Variants in PTPRT observed in about 807,000 individuals in gnomAD.
The protein encoded by PTPRT is protein tyrosine phosphatase receptor type T.
Under a neutral mutation model 176.8 loss-of-function variants are expected in PTPRT, and 56 were observed. The ratio of observed to expected loss-of-function variants is 0.32; its 90% confidence interval spans 0.26 to 0.40. The LOEUF (loss-of-function observed/expected upper bound fraction) is 0.40. Among genes scored for constraint, PTPRT ranks in the 10% least tolerant of loss-of-function variants. PTPRT has a pLI of 1.00. For synonymous variants in PTPRT, 783 were observed against 739.0 expected (o/e 1.06, Z -0.96); for missense variants, 1,540 against 1,908.2 (o/e 0.81, Z 3.60).
intron 1 of PTPRT, among the ~76,000 whole-genome samples, chr20:43,037,176 C>T (rs972410785): frequency 1.3e-5 from 2 of 152,158 alleles, no homozygotes; most frequent in Non-Finnish European, 2.9e-5. Flanking sequence ...CTTTAGCTCC[C>T]TGTAAAGGAG....
intron 7 of PTPRT, among the ~76,000 whole-genome samples, chr20:42,570,269 C>T (rs962709141): frequency 3.9e-5 from 6 of 152,186 alleles, no homozygotes; most frequent in Admixed American, 3.9e-4. Context: ...CGCCGTGTCC[C>T]TGCTGAGTAA....
chr20:42,328,985 C>A (rs1272885544), intron 11 of PTPRT, among the ~76,000 whole-genome samples: 1 of 152,050 alleles, frequency 6.6e-6, no homozygotes, highest in Non-Finnish European at 1.5e-5. Context: ...CACACACACT[C>A]TCTCACACAG....
At chr20:42,181,065 TC>T (rs1245359072) in intron 16 of PTPRT, among the ~76,000 whole-genome samples, 2 of 152,216 alleles carry the variant, frequency 1.3e-5, no homozygotes, top group African/African-American at 4.8e-5. Context: ...TCTAGCATAG[TC>T]CTTGGCACAC....
chr20:42,093,418 T>C (rs1381525466), intron 27 of PTPRT, among the ~76,000 whole-genome samples: 7 of 151,852 alleles, frequency 4.6e-5, no homozygotes, highest in Non-Finnish European at 1.0e-4. Flanking sequence ...TGCCTTTATT[T>C]TGAGCCCTCA....
At chr20:42,420,361 C>A (rs1019456555) in intron 9 of PTPRT, among the ~76,000 whole-genome samples, 1 of 152,098 alleles carries the variant, frequency 6.6e-6, no homozygotes, top group Non-Finnish European at 1.5e-5. Flanking sequence ...GTCTGAGCTC[C>A]GGTGCTTATT....
chr20:42,337,330 T>C (rs926933309), intron 11 of PTPRT, among the ~76,000 whole-genome samples: 2 of 152,160 alleles, frequency 1.3e-5, no homozygotes, highest in African/African-American at 4.8e-5. Context: ...ACATAATGCA[T>C]CTGAGTCTGC....
chr20:42,270,279 G>T (rs542160532), intron 13 of PTPRT: 2 of 770,076 alleles, frequency 2.6e-6, no homozygotes, highest in East Asian at 5.9e-5. Context: ...TGGGTGGGGG[G>T]GTGGGTGGGT....
At chr20:43,023,335 A>G (rs560229460) in intron 1 of PTPRT, among the ~76,000 whole-genome samples, 1 of 152,332 alleles carries the variant, frequency 6.6e-6, no homozygotes, top group South Asian at 2.1e-4. Flanking sequence ...TGTCAACTGC[A>G]TGCTCATGCT....
intron 6 of PTPRT, among the ~76,000 whole-genome samples, chr20:42,723,860 C>A (rs1458359385): frequency 6.6e-6 from 1 of 152,176 alleles, no homozygotes; most frequent in Non-Finnish European, 1.5e-5. Flanking sequence ...TCCTTGCTCT[C>A]CTATCTGGAC....
intron 7 of PTPRT, among the ~76,000 whole-genome samples, chr20:42,477,534 G>A (rs886672326): frequency 7.9e-5 from 12 of 152,120 alleles, no homozygotes; most frequent in African/African-American, 2.9e-4. Context: ...CTGGGTAATT[G>A]CCTGCAGCAT....
At chr20:42,418,766 A>G (rs1281422258) in intron 9 of PTPRT, among the ~76,000 whole-genome samples, 1 of 152,038 alleles carries the variant, frequency 6.6e-6, no homozygotes, top group Non-Finnish European at 1.5e-5. Flanking sequence ...GTTATGGGAA[A>G]TCCCTGCTGC....
chr20:42,118,061 T>C (rs552519965), intron 21 of PTPRT, among the ~76,000 whole-genome samples: 1 of 152,222 alleles, frequency 6.6e-6, no homozygotes, highest in Non-Finnish European at 1.5e-5. Flanking sequence ...CCATTTCTTA[T>C]AGTCAAATCT....
chr20:42,317,351 A>C (rs1345612396), intron 11 of PTPRT, among the ~76,000 whole-genome samples: 1 of 152,112 alleles, frequency 6.6e-6, no homozygotes, highest in Non-Finnish European at 1.5e-5. Flanking sequence ...GTTGGAGAAC[A>C]TTTTTCAATC....
intron 7 of PTPRT, among the ~76,000 whole-genome samples, chr20:42,540,011 T>C (rs544079464): frequency 1.5e-4 from 23 of 152,124 alleles, no homozygotes; most frequent in Non-Finnish European, 3.4e-4. Flanking sequence ...CAAAATTCCC[T>C]AGATGTGAAG....
At chr20:42,538,542 A>C (rs1235756337) in intron 7 of PTPRT, among the ~76,000 whole-genome samples, 2 of 152,184 alleles carry the variant, frequency 1.3e-5, no homozygotes, top group African/African-American at 4.8e-5. Flanking sequence ...ATTGCCACTA[A>C]TGTGATTAGC....
At chr20:42,619,371 A>T (rs1478825745) in intron 7 of PTPRT, among the ~76,000 whole-genome samples, 6 of 128,248 alleles carry the variant, frequency 4.7e-5, no homozygotes, top group South Asian at 2.6e-4. Context: ...GCTGCCCTTA[A>T]CATTTTTTCC....
chr20:42,732,165 AT>A lies in PTPRT; in HGVS notation c.859+24296del, dbSNP rs569463660. 1.5e-3 allele frequency among the ~76,000 whole-genome samples: 231 copies of A among 152,026 alleles called. 1 individual carries two copies. Among genetic ancestry groups the A allele is most frequent in the African/African-American group, 5.0e-3 (207 of 41,462 alleles). ...GGCTATTTAAACTTTTCTAAAAAAAATAAATAAAATTTAAAATTCCATTCCT... is the reference window on the plus strand; with the variant it reads ...GGCTATTTAAACTTTTCTAAAAAAAAAAATAAAATTTAAAATTCCATTCCT... On this transcript the variant is annotated intron_variant, in intron 6 of 30. Transcript: ENST00000373187.
intron 12 of PTPRT, among the ~76,000 whole-genome samples, chr20:42,313,217 T>G (rs1054897771): frequency 1.1e-4 from 17 of 152,098 alleles, no homozygotes; most frequent in African/African-American, 4.1e-4. Flanking sequence ...AGGGGAGGCA[T>G]GAATAATCCA....
At chr20:43,129,189 G>A (rs1426192382) in intron 1 of PTPRT, among the ~76,000 whole-genome samples, 2 of 152,160 alleles carry the variant, frequency 1.3e-5, no homozygotes, top group African/African-American at 2.4e-5. Flanking sequence ...CATAGAGGCC[G>A]AGGTATAAAT....
Sources: gnomAD v4.1 joint callset for allele counts (sites outside exome capture counted in the v4.1 genomes callset) on GRCh38, gnomAD v4.1.1 for gene constraint, MANE v1.5 for transcripts, NCBI Gene and HGNC (gene_info 2026-07-23, HGNC 2026-07-21) for gene names.